Variants in DMD observed in about 807,000 individuals in gnomAD.
The protein encoded by DMD is mutant dystrophin.
In DMD, 63 loss-of-function variants were observed where a neutral mutation model predicts 330.1. The ratio of observed to expected loss-of-function variants is 0.19; its 90% CI spans 0.16 to 0.24. The LOEUF is 0.24. Among genes scored for constraint, DMD ranks in the 10% least tolerant of loss-of-function variants. The pLI, the probability that DMD is intolerant of heterozygous loss-of-function variation, is 1.00. For missense variants in DMD, 3,344 were observed against 2,684.1 expected (o/e 1.25, Z -5.43); for synonymous variants, 1,223 against 959.8 (o/e 1.27, Z -5.07).
chrX:32,750,708 T>C (rs1490657116), intron 7 of DMD, among the ~76,000 whole-genome samples: 1 of 110,837 alleles, frequency 9.0e-6, no homozygotes, highest in Non-Finnish European at 1.9e-5. Context: ...TCCTCCTATT[T>C]GGTGTGCTTT....
intron 2 of DMD, among the ~76,000 whole-genome samples, chrX:32,859,348 A>G (rs1211890799): frequency 9.2e-6 from 1 of 108,680 alleles, no homozygotes; most frequent in African/African-American, 3.4e-5. Flanking sequence ...CACACCTGTG[A>G]TCCCAACTAC....
At chrX:32,676,423 T>C (rs2061972225) in intron 9 of DMD, among the ~76,000 whole-genome samples, 1 of 111,142 alleles carries the variant, frequency 9.0e-6, no homozygotes, top group Non-Finnish European at 1.9e-5. Context: ...TAGAAATAAG[T>C]AGTATTTTGC....
chrX:31,188,672 G>A lies in DMD; in HGVS notation c.9808-5768C>T, dbSNP rs112099681. On this transcript the variant is annotated intron_variant, in intron 67 of 78. Transcript: ENST00000357033. ...TCCCCTTCTATGTCATGCACACACA[G>A]AAAGCAAAGCTATCACAGCTCCTTC... is the stretch of plus-strand genomic sequence containing the variant. 5.3e-3 allele frequency among the ~76,000 whole-genome samples: 591 copies of A among 111,907 alleles called. 6 individuals carry two copies. The highest frequency in any genetic ancestry group is 0.018 in the African/African-American group (560 of 30,749).
At position 31,486,070 on chromosome X, in the gene DMD, G is replaced by T. The variant is rs1188012649; in HGVS notation, c.8548-6967C>A. Among the ~76,000 whole-genome samples, 3 of 112,310 alleles carry T rather than the reference G, an allele frequency of 2.7e-5. No homozygotes were observed. The East Asian group carries it at 8.4e-4, about 32-fold the overall frequency. ...CCTCATTTGTAAAATGTGGGCATTT[G>T]CTAAAACCTTATCTAAGTTCTAACA... is the stretch of plus-strand genomic sequence containing the variant. On this transcript the variant is annotated intron_variant, in intron 57 of 78. Transcript: ENST00000357033.
chrX:33,079,008 C>G (rs1459483401), intron 1 of DMD, among the ~76,000 whole-genome samples: 1 of 110,091 alleles, frequency 9.1e-6, no homozygotes, highest in African/African-American at 3.3e-5. Flanking sequence ...TTAAGACCAC[C>G]TGTTACATTT....
chrX:31,681,507 TAGG>T (rs2082380190), intron 52 of DMD, among the ~76,000 whole-genome samples: 1 of 111,654 alleles, frequency 9.0e-6, no homozygotes, highest in Non-Finnish European at 1.9e-5. Context: ...GGGAGGGAAT[TAGG>T]AGAATAAATA....
intron 1 of DMD, among the ~76,000 whole-genome samples, chrX:33,122,279 A>G (rs1322605337): frequency 1.8e-5 from 2 of 112,695 alleles, no homozygotes; most frequent in Non-Finnish European, 3.7e-5. Context: ...AAGGTGGTGA[A>G]ATAATTTTGT....
At chrX:33,010,012 A>G (rs781206400) in intron 2 of DMD, among the ~76,000 whole-genome samples, 1 of 73,842 alleles carries the variant, frequency 1.4e-5, no homozygotes, top group Admixed American at 1.6e-4. Flanking sequence ...GTATGTGTAT[A>G]TACACATATG....
chrX:32,969,027 C>CAAAAAAA (rs142087164), intron 2 of DMD, among the ~76,000 whole-genome samples: 5 of 19,825 alleles, frequency 2.5e-4, no homozygotes, highest in East Asian at 2.1e-3. Flanking sequence ...GATTCTGTCT[C>CAAAAAAA]AAAAAAAAAA....
intron 11 of DMD, among the ~76,000 whole-genome samples, chrX:32,623,464 T>A (rs961781028): frequency 9.0e-6 from 1 of 111,334 alleles, no homozygotes; most frequent in African/African-American, 3.3e-5. Flanking sequence ...TAAAATACAC[T>A]GGCTAACATT....
chrX:31,137,462 T>G (rs1168611552), intron 76 of DMD, among the ~76,000 whole-genome samples: 1 of 111,940 alleles, frequency 8.9e-6, no homozygotes, highest in Non-Finnish European at 1.9e-5. Context: ...AAACCTGAAG[T>G]TAAAGTAATA....
At chrX:31,906,245 C>A (rs968119552) in intron 47 of DMD, among the ~76,000 whole-genome samples, 1 of 111,961 alleles carries the variant, frequency 8.9e-6, no homozygotes, top group Non-Finnish European at 1.9e-5. Flanking sequence ...CCTGAGGCCT[C>A]CCCAGCCATG....
chrX:32,363,473 A>T (rs1452901920), intron 36 of DMD, among the ~76,000 whole-genome samples: 2 of 111,951 alleles, frequency 1.8e-5, no homozygotes, highest in Non-Finnish European at 3.8e-5. Flanking sequence ...AACACATACG[A>T]ATTTTCTGTC....
intron 64 of DMD, among the ~76,000 whole-genome samples, chrX:31,221,016 T>TC (rs2045974723): frequency 9.7e-6 from 1 of 102,979 alleles, no homozygotes; most frequent in African/African-American, 3.6e-5. Flanking sequence ...AGATTGGACA[T>TC]CCCTGCACCA....
chrX:32,745,331 G>C (rs935089920), intron 7 of DMD, among the ~76,000 whole-genome samples: 10 of 112,201 alleles, frequency 8.9e-5, no homozygotes, highest in Non-Finnish European at 1.7e-4. Context: ...ATATATCCAA[G>C]TTTCTGATCT....
intron 7 of DMD, among the ~76,000 whole-genome samples, chrX:32,785,772 A>C (rs2075299349): frequency 9.0e-6 from 1 of 111,346 alleles, no homozygotes. Context: ...TATAATAGAG[A>C]GAAAAAAATA....
intron 1 of DMD, among the ~76,000 whole-genome samples, chrX:33,201,336 C>T (rs773975603): frequency 8.1e-4 from 90 of 111,727 alleles, no homozygotes; most frequent in African/African-American, 2.7e-3. Flanking sequence ...TGTTCCATCA[C>T]GATCTCTGAC....
At position 32,485,056 on chromosome X, in the gene DMD, C is replaced by A. The variant is rs779579811; in HGVS notation, c.2666G>T (p.Arg889Leu). The A allele has an allele frequency of 3.3e-6, 4 of 1,211,322 alleles. No homozygotes were observed. Among genetic ancestry groups the A allele is most frequent in the Middle Eastern group, 2.3e-4 (1 of 4,354 alleles). Residue 889 changes from arginine to leucine, a missense_variant, in exon 21 of 79, where the codon CGA becomes CTA. By Grantham distance (102) the Arg-to-Leu change is moderately radical. Transcript: ENST00000357033. ...CAGGGCTATGCTTTGAATTTTTAATCGTTCAATTTGAGGTTGAAGATCTGA... is the reference window on the plus strand; with the variant it reads ...CAGGGCTATGCTTTGAATTTTTAATAGTTCAATTTGAGGTTGAAGATCTGA... The part of the protein sequence containing the change: ...RLSDLQPQIE[R>L]LKIQSIALKE...
At chrX:32,787,673 T>C (rs1037545158) in intron 7 of DMD, among the ~76,000 whole-genome samples, 1 of 111,024 alleles carries the variant, frequency 9.0e-6, no homozygotes, top group South Asian at 3.8e-4. Flanking sequence ...GTTACGTGAA[T>C]GTGGACTCTC....
Sources: gnomAD v4.1 joint callset for allele counts (sites outside exome capture counted in the v4.1 genomes callset) on GRCh38, gnomAD v4.1.1 for gene constraint, MANE v1.5 for transcripts, NCBI Gene and HGNC (gene_info 2026-07-23, HGNC 2026-07-21) for gene names.